Variants in KDM5A observed in about 807,000 individuals in gnomAD.
The protein encoded by KDM5A is lysine demethylase 5A, also known as lysine-specific demethylase 5A.
A neutral mutation model predicts 193.5 loss-of-function variants in KDM5A; 42 were observed. The ratio of observed to expected loss-of-function variants is 0.22; its 90% CI spans 0.17 to 0.28. KDM5A has a LOEUF of 0.28. Ranked by LOEUF, KDM5A falls within the 10% of genes least tolerant of loss-of-function variation. KDM5A has a pLI of 1.00. For synonymous variants in KDM5A, 796 were observed against 718.1 expected, an observed-to-expected ratio of 1.11 and a Z score of -1.73; for missense variants, 1,692 against 2,055.1, an observed-to-expected ratio of 0.82 and a Z score of 3.42.
chr12:362,329 G>C (rs1213298156), intron 5 of KDM5A, among the ~76,000 whole-genome samples: 1 of 152,042 alleles, frequency 6.6e-6, no homozygotes, highest in Non-Finnish European at 1.5e-5. Context: ...GAAATAAACA[G>C]GGGAAGGGGG....
intron 3 of KDM5A, among the ~76,000 whole-genome samples, chr12:371,599 CTTTAG>C (rs557739290): frequency 4.6e-5 from 7 of 152,114 alleles, no homozygotes; most frequent in African/African-American, 1.2e-4. Context: ...TGCAGAAGTT[CTTTAG>C]TTTAATTAGA....
At chr12:381,443 T>C (rs961950248) in intron 3 of KDM5A, among the ~76,000 whole-genome samples, 1 of 152,158 alleles carries the variant, frequency 6.6e-6, no homozygotes, top group Non-Finnish European at 1.5e-5. Flanking sequence ...ATTTTATTCA[T>C]ACTACAGTCA....
chr12:299,534 G>C (rs4980812), intron 24 of KDM5A, among the ~76,000 whole-genome samples: 10,701 of 152,122 alleles, frequency 0.07, 842 homozygotes, highest in East Asian at 0.35. Context: ...CCTTACAAGA[G>C]CTCCTGAAGA....
intron 14 of KDM5A, among the ~76,000 whole-genome samples, chr12:325,064 C>T (rs1354621940): frequency 6.6e-6 from 1 of 152,276 alleles, no homozygotes; most frequent in East Asian, 1.9e-4. Context: ...CTGGCAGGCA[C>T]AATTCTGGTC....
intron 12 of KDM5A, 64 bp from the exon 13 acceptor site, chr12:332,002 A>G: frequency 7.0e-7 from 1 of 1,421,862 alleles, no homozygotes; most frequent in Non-Finnish European, 9.8e-7. Context: ...AGAGGAAGAC[A>G]GATTTTATTA....
At chr12:348,010 T>C (rs1164159836) in intron 10 of KDM5A, among the ~76,000 whole-genome samples, 2 of 151,884 alleles carry the variant, frequency 1.3e-5, no homozygotes, top group Non-Finnish European at 2.9e-5. Context: ...TTGCAATCTA[T>C]CCATCTGACA....
At chr12:312,027 CTG>C (rs1390743164) in intron 20 of KDM5A, among the ~76,000 whole-genome samples, 1 of 152,048 alleles carries the variant, frequency 6.6e-6, no homozygotes, top group Non-Finnish European at 1.5e-5. Context: ...GAGCAAGACT[CTG>C]TCTCAAAAAA....
intron 10 of KDM5A, among the ~76,000 whole-genome samples, chr12:334,864 CATG>C (rs1295948205): frequency 6.6e-6 from 1 of 152,206 alleles, no homozygotes; most frequent in African/African-American, 2.4e-5. Context: ...TGAAGACTGA[CATG>C]ATGCAGAAAG....
intron 5 of KDM5A, among the ~76,000 whole-genome samples, chr12:359,536 G>A (rs1458234447): frequency 2.7e-5 from 4 of 150,674 alleles, no homozygotes; most frequent in Non-Finnish European, 4.4e-5. Context: ...CAGATCACTC[G>A]AGCCCAGAGA....
intron 24 of KDM5A, among the ~76,000 whole-genome samples, chr12:304,992 C>T (rs954501337): frequency 2.0e-5 from 3 of 152,126 alleles, no homozygotes; most frequent in Non-Finnish European, 4.4e-5. Context: ...TATACAACTT[C>T]GTAAACAAAG....
At chr12:325,938 C>T (rs1251749247) in intron 14 of KDM5A, among the ~76,000 whole-genome samples, 1 of 152,072 alleles carries the variant, frequency 6.6e-6, no homozygotes, top group Non-Finnish European at 1.5e-5. Context: ...CACTTGAACC[C>T]AGGGGGCAGA....
intron 13 of KDM5A, among the ~76,000 whole-genome samples, chr12:329,611 T>C (rs756900936): frequency 7.9e-5 from 12 of 152,078 alleles, no homozygotes; most frequent in Non-Finnish European, 1.6e-4. Flanking sequence ...CATCTAGAAA[T>C]TATTTTAAAA....
At chr12:327,547 T>C (rs971031533) in intron 14 of KDM5A, among the ~76,000 whole-genome samples, 3 of 151,190 alleles carry the variant, frequency 2.0e-5, no homozygotes, top group Non-Finnish European at 4.4e-5. Context: ...CCATCTCTAC[T>C]AAAAATACAA....
At chr12:304,714 C>G (rs1208884836) in intron 24 of KDM5A, among the ~76,000 whole-genome samples, 7 of 152,096 alleles carry the variant, frequency 4.6e-5, no homozygotes, top group Non-Finnish European at 8.8e-5. Flanking sequence ...CTACTCCATC[C>G]AACCATATGA....
intron 10 of KDM5A, among the ~76,000 whole-genome samples, chr12:339,014 T>C (rs1055051676): frequency 6.6e-6 from 1 of 151,936 alleles, no homozygotes. Context: ...ACCCCATCTC[T>C]ACTAAAATAC....
chr12:366,846 C>T (rs1944362545), intron 3 of KDM5A, among the ~76,000 whole-genome samples: 1 of 152,216 alleles, frequency 6.6e-6, no homozygotes, highest in Admixed American at 6.5e-5. Context: ...CACTGCATAA[C>T]ATTTTGGTCA....
intron 3 of KDM5A, among the ~76,000 whole-genome samples, chr12:378,925 C>T (rs1944541543): frequency 6.8e-6 from 1 of 146,296 alleles, no homozygotes; most frequent in African/African-American, 2.6e-5. Context: ...TGCTGCTGCA[C>T]TCCAGCCTGG....
At chr12:386,047 G>T in intron 1 of KDM5A, 73 bp from the exon 2 acceptor site, 2 of 1,206,006 alleles carry the variant, frequency 1.7e-6, no homozygotes, top group Non-Finnish European at 2.5e-6. Context: ...TCCCTTAAAG[G>T]GGGGTTTTGC....
chr12:369,081 T>C (rs1944392327), intron 3 of KDM5A, among the ~76,000 whole-genome samples: 1 of 152,226 alleles, frequency 6.6e-6, no homozygotes, highest in South Asian at 2.1e-4. Context: ...AAAAGCTTGG[T>C]AGAAACACAA....
Sources: allele counts gnomAD v4.1 joint callset (sites outside exome capture counted in the v4.1 genomes callset), GRCh38; gene constraint gnomAD v4.1.1; transcripts MANE v1.5; gene names NCBI Gene and HGNC (gene_info 2026-07-23, HGNC 2026-07-21).